The following KIF26B variants were observed in gnomAD, a reference collection of about 807,000 sequenced individuals.
The protein encoded by KIF26B is kinesin family member 26B.
KIF26B carries 63 observed loss-of-function variants against 151.2 expected under a neutral mutation model. The observed-to-expected ratio is 0.42, with a 90% CI of 0.34 to 0.51. The LOEUF is 0.51. Among genes scored for constraint, KIF26B ranks in the 20% least tolerant of loss-of-function variants. KIF26B has a pLI of 0.07. For missense variants in KIF26B, 2,813 were observed against 2,913.6 expected, an observed-to-expected ratio of 0.97 and a Z score of 0.79; for synonymous variants, 1,357 against 1,262.1, an observed-to-expected ratio of 1.08 and a Z score of -1.59.
intron 3 of KIF26B, among the ~76,000 whole-genome samples, chr1:245,383,406 A>T (rs1334817452): frequency 6.6e-6 from 1 of 152,126 alleles, no homozygotes; most frequent in African/African-American, 2.4e-5. Flanking sequence ...TGCAGGGTCC[A>T]CTCTCCAGCT....
At chr1:245,589,037 G>T (rs1247722502) in intron 5 of KIF26B, among the ~76,000 whole-genome samples, 1 of 152,168 alleles carries the variant, frequency 6.6e-6, no homozygotes, top group Admixed American at 6.5e-5. Flanking sequence ...AGAACGTAGC[G>T]TTTGGTGCAG....
chr1:245,455,606 A>G (rs543187346), intron 4 of KIF26B, among the ~76,000 whole-genome samples: 3 of 152,360 alleles, frequency 2.0e-5, no homozygotes, highest in South Asian at 2.1e-4. Context: ...GACGATGCCA[A>G]GAGAAATAAA....
At chr1:245,301,397 T>C in intron 2 of KIF26B, among the ~76,000 whole-genome samples, 1 of 152,348 alleles carries the variant, frequency 6.6e-6, no homozygotes, top group East Asian at 1.9e-4. Flanking sequence ...AGCAGCTTTC[T>C]CAGACAAAAG....
At chr1:245,307,290 G>A (rs1245975524) in intron 2 of KIF26B, among the ~76,000 whole-genome samples, 5 of 152,138 alleles carry the variant, frequency 3.3e-5, no homozygotes, top group Non-Finnish European at 7.3e-5. Flanking sequence ...GGACTAGGAC[G>A]CCAGAAGCTC....
At chr1:245,590,156 G>A (rs1321893782) in intron 5 of KIF26B, among the ~76,000 whole-genome samples, 2 of 150,328 alleles carry the variant, frequency 1.3e-5, no homozygotes, top group African/African-American at 2.4e-5. Context: ...AACGTGGCAG[G>A]GAGGCCTGCA....
At chr1:245,288,134 A>T (rs5013980) in intron 2 of KIF26B, among the ~76,000 whole-genome samples, 48,767 of 151,990 alleles carry the variant, frequency 0.32, 8,892 homozygotes, top group South Asian at 0.42. Flanking sequence ...TTCCTGGAAG[A>T]ACTTTTGTAT....
chr1:245,640,122 G>GCTCGCTCTCGCTCTCTCTCTCTCTCT (rs1553299289), intron 9 of KIF26B, among the ~76,000 whole-genome samples: 2 of 53,974 alleles, frequency 3.7e-5, no homozygotes, highest in Non-Finnish European at 7.1e-5. Flanking sequence ...ACTAATATTT[G>GCTCGCTCTCGCTCTCTCTCTCTCTCT]CTCTCTCTCT....
chr1:245,546,500 C>G (rs1419598646), intron 5 of KIF26B, among the ~76,000 whole-genome samples: 1 of 152,190 alleles, frequency 6.6e-6, no homozygotes, highest in Non-Finnish European at 1.5e-5. Context: ...CACAGATTGT[C>G]CAATTCCTCA....
intron 9 of KIF26B, among the ~76,000 whole-genome samples, chr1:245,618,627 A>G (rs1180373594): frequency 1.5e-5 from 2 of 136,626 alleles, no homozygotes. Flanking sequence ...AGAGTGCCAC[A>G]CTCCTGGGGC....
intron 10 of KIF26B, among the ~76,000 whole-genome samples, chr1:245,679,480 T>G (rs1395058776): frequency 7.2e-6 from 1 of 138,106 alleles, no homozygotes; most frequent in Non-Finnish European, 1.5e-5. Flanking sequence ...TTTTTTTTTT[T>G]TTTTTTGACA....
chr1:245,539,420 T>C (rs1037373845), intron 4 of KIF26B, among the ~76,000 whole-genome samples: 1 of 152,192 alleles, frequency 6.6e-6, no homozygotes, highest in African/African-American at 2.4e-5. Flanking sequence ...GGTAAGAACA[T>C]TGGATGAATT....
At chr1:245,493,004 C>T (rs1468243158) in intron 4 of KIF26B, among the ~76,000 whole-genome samples, 3 of 152,112 alleles carry the variant, frequency 2.0e-5, no homozygotes, top group Non-Finnish European at 4.4e-5. Context: ...TGGTCTTGAT[C>T]TCCTGACCTC....
chr1:245,200,772 A>G (rs1669284538), intron 2 of KIF26B, among the ~76,000 whole-genome samples: 1 of 152,196 alleles, frequency 6.6e-6, no homozygotes, highest in Non-Finnish European at 1.5e-5. Context: ...GGACTATCTA[A>G]TTGTTGAATT....
chr1:245,607,542 C>A, intron 6 of KIF26B, 109 bp from the exon 7 acceptor site: 1 of 828,548 alleles, frequency 1.2e-6, no homozygotes, highest in Non-Finnish European at 1.9e-6. Flanking sequence ...CCTGGGAACA[C>A]AGTGACACTG....
chr1:245,652,531 T>C (rs1041298355), intron 10 of KIF26B, among the ~76,000 whole-genome samples: 2 of 152,284 alleles, frequency 1.3e-5, no homozygotes, highest in East Asian at 1.9e-4. Context: ...TATTTAGCTA[T>C]AGAAATCTCG....
At chr1:245,157,128 C>T (rs570730728) in intron 2 of KIF26B, among the ~76,000 whole-genome samples, 20 of 152,336 alleles carry the variant, frequency 1.3e-4, no homozygotes, top group African/African-American at 4.8e-4. Flanking sequence ...GTGGTCCATC[C>T]TTTCCGCGGT....
intron 5 of KIF26B, among the ~76,000 whole-genome samples, chr1:245,589,708 C>T (rs983807788): frequency 1.1e-4 from 17 of 152,304 alleles, no homozygotes; most frequent in Admixed American, 7.2e-4. Flanking sequence ...CCAAACTCCA[C>T]GGTGGATCTG....
At chr1:245,662,959 CTCTG>C (rs562784894) in intron 10 of KIF26B, among the ~76,000 whole-genome samples, 105 of 96,058 alleles carry the variant, frequency 1.1e-3, no homozygotes, top group African/African-American at 4.1e-3. Flanking sequence ...CTCAGGTCAC[CTCTG>C]TCTTTTTTTT....
Position 245,703,615 on chromosome 1 carries a change from G to A in KIF26B, c.*1009G>A, listed in dbSNP as rs2044803295. 6.6e-6 allele frequency: 1 copy of A among 152,176 alleles called. No homozygotes were observed. The highest frequency in any genetic ancestry group is 1.5e-5 in the Non-Finnish European group (1 of 68,028). The allele number at this position is 152,176 out of a possible 1,614,324, so 9.4% of individuals were successfully genotyped here. On this transcript the variant is annotated 3_prime_UTR_variant, in exon 15 of 15. Coordinates refer to ENST00000407071, the MANE Select transcript of KIF26B (RefSeq NM_018012.4). ...TTCATATTCATTTTTATTCCAAAAA[G>A]TCTTGAACGAAAGCTGGAACCAATT...
Sources: allele counts gnomAD v4.1 joint callset (sites outside exome capture counted in the v4.1 genomes callset), GRCh38; gene constraint gnomAD v4.1.1; transcripts MANE v1.5; gene names NCBI Gene and HGNC (gene_info 2026-07-23, HGNC 2026-07-21).